PTPN2: variants seen among roughly 807,000 people sequenced by gnomAD.
PTPN2 encodes the protein protein tyrosine phosphatase non-receptor type 2.
A neutral mutation model predicts 57.3 loss-of-function variants in PTPN2; 19 were observed. The observed-to-expected ratio is 0.33, with a 90% CI of 0.23 to 0.49. The LOEUF (loss-of-function observed/expected upper bound fraction) is 0.49, where lower values mean the gene tolerates loss of function less well. PTPN2 is among the 20% of genes least tolerant of loss of function. The pLI is 0.99. For missense variants in PTPN2, 358 were observed against 501.1 expected (o/e 0.71, Z 2.73); for synonymous variants, 153 against 164.9 (o/e 0.93, Z 0.55).
intron 6 of PTPN2, among the ~76,000 whole-genome samples, chr18:12,814,575 C>T (rs1449020724): frequency 6.6e-6 from 1 of 152,184 alleles, no homozygotes; most frequent in East Asian, 1.9e-4. Flanking sequence ...GACTTTGATT[C>T]TTTAGCTGAT....
At chr18:12,826,848 C>T (rs867878168) in intron 4 of PTPN2, among the ~76,000 whole-genome samples, 15 of 151,638 alleles carry the variant, frequency 9.9e-5, no homozygotes, top group African/African-American at 2.7e-4. Flanking sequence ...GGATTACAGG[C>T]GTGAGCCACC....
At chr18:12,864,606 G>C (rs966770272) in intron 1 of PTPN2, among the ~76,000 whole-genome samples, 1 of 151,890 alleles carries the variant, frequency 6.6e-6, no homozygotes, top group African/African-American at 2.4e-5. Flanking sequence ...CACCGTGTTA[G>C]CCAGGATGGT....
intron 8 of PTPN2, among the ~76,000 whole-genome samples, chr18:12,801,097 C>T (rs2145245974): frequency 6.6e-6 from 1 of 152,332 alleles, no homozygotes; most frequent in Non-Finnish European, 1.5e-5. Context: ...ATTATATTAA[C>T]TTTTACACTC....
rs985339050 is a variant in PTPN2 at position 12,802,673 on chromosome 18, C to T, written c.859-522G>A. On this transcript the variant is annotated intron_variant, in intron 7 of 8. Transcript: ENST00000309660. ...GGCAGGTTGCTATTAACAGATTTCT[C>T]AGAAAACCTGTACACGCCAAGAAAG... is the stretch of plus-strand genomic sequence containing the variant. 3.3e-5 allele frequency among the ~76,000 whole-genome samples: 5 copies of T among 152,266 alleles called. No homozygotes were observed. The East Asian group carries it at 9.6e-4, about 29-fold the overall frequency.
chr18:12,824,997 G>T (rs1312338930), intron 5 of PTPN2, among the ~76,000 whole-genome samples: 1 of 152,124 alleles, frequency 6.6e-6, no homozygotes, highest in African/African-American at 2.4e-5. Flanking sequence ...GAAGTGGGAG[G>T]ATTTCTTGAG....
At chr18:12,791,044 G>T (rs2040972019), downstream of PTPN2, among the ~76,000 whole-genome samples, 1 of 152,156 alleles carries the variant, frequency 6.6e-6, no homozygotes, top group African/African-American at 2.4e-5. Flanking sequence ...CTTTAAGAAT[G>T]CAGAAAATGG....
intron 1 of PTPN2, among the ~76,000 whole-genome samples, chr18:12,875,512 T>C (rs2044458101): frequency 7.2e-6 from 1 of 137,960 alleles, no homozygotes; most frequent in Non-Finnish European, 1.5e-5. Flanking sequence ...GTAAGGGTGG[T>C]ATTATTAAAA....
At chr18:12,858,129 T>C (rs2043657538) in intron 2 of PTPN2, among the ~76,000 whole-genome samples, 1 of 152,198 alleles carries the variant, frequency 6.6e-6, no homozygotes, top group Admixed American at 6.5e-5. Context: ...GTCTGTGTCC[T>C]TGAACAGTGA....
intron 8 of PTPN2, among the ~76,000 whole-genome samples, chr18:12,795,876 A>G (rs12962096): frequency 0.29 from 43,862 of 151,420 alleles, 6,812 homozygotes; most frequent in South Asian, 0.48. Context: ...CTCAAATTAA[A>G]TATTATTGCC....
At chr18:12,862,244 C>T (rs1488156248) in intron 1 of PTPN2, 3 of 151,982 alleles carry the variant, frequency 2.0e-5, no homozygotes, top group African/African-American at 7.3e-5. Flanking sequence ...CTGCAACCTC[C>T]ACCTCCCGGG....
At chr18:12,800,196 TCTC>T (rs2041364193) in intron 8 of PTPN2, among the ~76,000 whole-genome samples, 2 of 152,252 alleles carry the variant, frequency 1.3e-5, no homozygotes, top group African/African-American at 4.8e-5. Context: ...GTTTTAGTAG[TCTC>T]CTCTGTATTT....
chr18:12,791,115 A>G (rs2040973781), downstream of PTPN2, among the ~76,000 whole-genome samples: 1 of 152,262 alleles, frequency 6.6e-6, no homozygotes, highest in East Asian at 1.9e-4. Flanking sequence ...CATTCTATAT[A>G]TGTGCAAGCA....
intron 5 of PTPN2, among the ~76,000 whole-genome samples, chr18:12,821,081 T>C (rs1163767908): frequency 6.6e-6 from 1 of 152,148 alleles, no homozygotes. Flanking sequence ...TCATAAAAAA[T>C]CTATACAGCT....
chr18:12,816,545 A>T (rs2042081349), intron 6 of PTPN2, among the ~76,000 whole-genome samples: 1 of 152,188 alleles, frequency 6.6e-6, no homozygotes, highest in Non-Finnish European at 1.5e-5. Context: ...ATGTATCCCA[A>T]GTAACGAAAA....
At chr18:12,820,026 G>A (rs948716013) in intron 5 of PTPN2, among the ~76,000 whole-genome samples, 11 of 152,270 alleles carry the variant, frequency 7.2e-5, no homozygotes, top group Middle Eastern at 3.4e-3. Flanking sequence ...GGGGTCCTGC[G>A]CACAATTACT....
At chr18:12,811,301 C>A (rs1301276924) in intron 7 of PTPN2, among the ~76,000 whole-genome samples, 1 of 152,142 alleles carries the variant, frequency 6.6e-6, no homozygotes, top group East Asian at 1.9e-4. Context: ...AGAATTTACA[C>A]TGGTCAATTT....
At chr18:12,843,107 C>T (rs958622005) in intron 2 of PTPN2, among the ~76,000 whole-genome samples, 2 of 152,110 alleles carry the variant, frequency 1.3e-5, no homozygotes, top group African/African-American at 4.8e-5. Flanking sequence ...GATGTGGATT[C>T]TGATCTCTCT....
intron 1 of PTPN2, among the ~76,000 whole-genome samples, chr18:12,877,323 G>C (rs953266717): frequency 1.3e-5 from 2 of 152,182 alleles, no homozygotes; most frequent in Non-Finnish European, 2.9e-5. Context: ...AGAATATAGA[G>C]AACTAAGAAA....
intron 8 of PTPN2, among the ~76,000 whole-genome samples, chr18:12,800,335 T>G (rs778203482): frequency 6.6e-5 from 10 of 152,160 alleles, no homozygotes; most frequent in Admixed American, 2.6e-4. Flanking sequence ...GTTTTTCATT[T>G]AATTCTGCAG....
Sources: gnomAD v4.1 joint callset for allele counts (sites outside exome capture counted in the v4.1 genomes callset) on GRCh38, gnomAD v4.1.1 for gene constraint, MANE v1.5 for transcripts, NCBI Gene and HGNC (gene_info 2026-07-23, HGNC 2026-07-21) for gene names.